Variants in GRB2 observed in about 807,000 individuals in gnomAD.
GRB2 encodes the protein growth factor receptor bound protein 2.
Under a neutral mutation model 27.4 loss-of-function variants are expected in GRB2, and 2 were observed. That is an observed-to-expected ratio of 0.07 (90% CI 0.03 to 0.23). GRB2 has a LOEUF of 0.23. Among genes scored for constraint, GRB2 ranks in the 10% least tolerant of loss-of-function variants. The pLI is 1.00. For synonymous variants in GRB2, 94 were observed against 99.6 expected (o/e 0.94, Z 0.33); for missense variants, 102 against 282.4 (o/e 0.36, Z 4.58).
chr17:75,392,258 T>A (rs146238419), intron 2 of GRB2, among the ~76,000 whole-genome samples: 12 of 152,344 alleles, frequency 7.9e-5, no homozygotes, highest in African/African-American at 2.9e-4. Context: ...TTCTGACAAT[T>A]TAGTGTTGAC....
intron 2 of GRB2, among the ~76,000 whole-genome samples, chr17:75,363,425 G>C (rs1015286167): frequency 2.0e-5 from 3 of 152,140 alleles, no homozygotes; most frequent in African/African-American, 7.2e-5. Context: ...ATTGTGGTGA[G>C]GAGAGTGATA....
chr17:75,328,626 G>C lies in GRB2; in HGVS notation c.177-2606C>G, dbSNP rs535363102. Among the ~76,000 whole-genome samples the C allele has an allele frequency of 6.2e-5, 9 of 146,106 alleles. No homozygotes were observed. In the South Asian group the frequency reaches 1.3e-3, roughly 21 times the overall value. On this transcript the variant is annotated intron_variant, in intron 3 of 5. Transcript: ENST00000316804. ...CATTGCACTCCAGCCTGGGCAACAAGAGTGAAACTCCATCTCAAAAAAATT... is the reference window on the plus strand; with the variant it reads ...CATTGCACTCCAGCCTGGGCAACAACAGTGAAACTCCATCTCAAAAAAATT...
chr17:75,379,266 T>C (rs1477282791), intron 2 of GRB2, among the ~76,000 whole-genome samples: 1 of 152,214 alleles, frequency 6.6e-6, no homozygotes, highest in Non-Finnish European at 1.5e-5. Flanking sequence ...CATTTATTTA[T>C]TTGCTTATTT....
intron 2 of GRB2, among the ~76,000 whole-genome samples, chr17:75,364,649 C>G (rs1188035136): frequency 1.3e-5 from 2 of 152,032 alleles, no homozygotes; most frequent in Non-Finnish European, 2.9e-5. Flanking sequence ...CTATTTCTGA[C>G]CAGTACGTCC....
intron 4 of GRB2, among the ~76,000 whole-genome samples, chr17:75,323,121 TAAAAAAAAAAAAA>T (rs55801107): frequency 1.6e-3 from 162 of 101,286 alleles, no homozygotes; most frequent in African/African-American, 5.9e-3. Context: ...TCCATCTCAT[TAAAAAAAAAAAAA>T]AAAAAAAAGG....
chr17:75,347,253 A>G (rs1027842335), intron 2 of GRB2, among the ~76,000 whole-genome samples: 5 of 152,110 alleles, frequency 3.3e-5, no homozygotes, highest in African/African-American at 9.7e-5. Flanking sequence ...CCTCTAAGCC[A>G]AAGACAACTG....
chr17:75,327,732 T>A (rs1052907987), intron 3 of GRB2, among the ~76,000 whole-genome samples: 9 of 152,118 alleles, frequency 5.9e-5, no homozygotes, highest in African/African-American at 1.9e-4. Flanking sequence ...TATACTATAC[T>A]CAAATTCAAA....
At position 75,320,293 on chromosome 17, in the gene GRB2, A is replaced by C. The variant is rs1244489543; in HGVS notation, c.*75T>G. 7.9e-7 allele frequency: 1 copy of C among 1,270,072 alleles called. No individual in the cohort carries two copies. Among genetic ancestry groups the C allele is most frequent in the Non-Finnish European group, 1.1e-6 (1 of 874,690 alleles). 78.7% of individuals were successfully genotyped at this position (1,270,072 alleles called of 1,614,324 possible). A position where few individuals can be genotyped will look rare whatever the true frequency, so the allele number is the denominator to read the frequency against. On this transcript the variant is annotated 3_prime_UTR_variant, in exon 6 of 6. Transcript: ENST00000316804. This position sits in a 1 kb window ranked among gnomAD's most constrained non-coding sequence, Gnocchi z 4.3. ...GCACTCCCTCACAGGCTGCTGTCAG[A>C]GGCAGCTTGTGGGTTTAATTCTTTT...
In GRB2 at chr17:75,338,842, A is replaced by G. The variant is rs528886059; in HGVS notation, c.79-6045T>C. ...ACTCACGCAAATGGTCAACTTTCCT[A>G]AAATTCACTGGACTTTCTCTAAGAA... On this transcript the variant is annotated intron_variant, in intron 2 of 5. Coordinates refer to ENST00000316804, the MANE Select transcript of GRB2 (RefSeq NM_002086.5). The G allele has an allele frequency of 2.6e-4, 197 of 768,152 alleles. No individual in the cohort carries two copies. The African/African-American group carries it at 3.0e-3, about 12-fold the overall frequency. 47.6% of individuals were successfully genotyped at this position (768,152 alleles called of 1,614,324 possible). A position where few individuals can be genotyped will look rare whatever the true frequency, so the allele number is the denominator to read the frequency against.
At chr17:75,341,475 A>T (rs1447882783) in intron 2 of GRB2, among the ~76,000 whole-genome samples, 2 of 151,160 alleles carry the variant, frequency 1.3e-5, no homozygotes, top group Non-Finnish European at 2.9e-5. Flanking sequence ...AAAAACACAA[A>T]AGAAAAACAA....
rs572589930 is a variant in GRB2 at position 75,352,878 on chromosome 17, T to G, written c.79-20081A>C. Among the ~76,000 whole-genome samples, 991 of 151,268 alleles carry G rather than the reference T, an allele frequency of 6.6e-3. 14 individuals are homozygous for G. Among genetic ancestry groups the G allele is most frequent in the African/African-American group, 0.022 (896 of 40,910 alleles). On this transcript the variant is annotated intron_variant, in intron 2 of 5. Coordinates refer to ENST00000316804, the MANE Select transcript of GRB2 (RefSeq NM_002086.5). ...TCTGGGAGAAAAAGTTAACTTGTTTTTTTTTTTTTTTTAAAAGACATAGTT... is the reference window on the plus strand; with the variant it reads ...TCTGGGAGAAAAAGTTAACTTGTTTGTTTTTTTTTTTTAAAAGACATAGTT...
At chr17:75,360,158 T>C (rs922402835) in intron 2 of GRB2, among the ~76,000 whole-genome samples, 2 of 150,040 alleles carry the variant, frequency 1.3e-5, no homozygotes, top group Non-Finnish European at 3.0e-5. Context: ...TCATAAACGA[T>C]CTCCCAAATG....
chr17:75,329,296 GA>G (rs2078523232), intron 3 of GRB2, among the ~76,000 whole-genome samples: 1 of 152,036 alleles, frequency 6.6e-6, no homozygotes, highest in Non-Finnish European at 1.5e-5. Context: ...AATATAAACT[GA>G]AATAGCCTAG....
chr17:75,356,821 C>A (rs2078736995), intron 2 of GRB2, among the ~76,000 whole-genome samples: 1 of 152,202 alleles, frequency 6.6e-6, no homozygotes, highest in African/African-American at 2.4e-5. Context: ...CAAGACACAT[C>A]ATTTCCCAGC....
At chr17:75,391,038 G>GT (rs1213882463) in intron 2 of GRB2, among the ~76,000 whole-genome samples, 1 of 152,002 alleles carries the variant, frequency 6.6e-6, no homozygotes, top group South Asian at 2.1e-4. Flanking sequence ...GGAAAACTCC[G>GT]TTTTTTTAAC....
intron 3 of GRB2, among the ~76,000 whole-genome samples, chr17:75,329,879 C>G (rs973921893): frequency 6.6e-6 from 1 of 152,198 alleles, no homozygotes; most frequent in African/African-American, 2.4e-5. Flanking sequence ...GAAATACCAC[C>G]ATTCTACATT....
chr17:75,403,987 C>T (rs1256826112), intron 1 of GRB2, among the ~76,000 whole-genome samples: 3 of 151,816 alleles, frequency 2.0e-5, no homozygotes, highest in African/African-American at 7.3e-5. Flanking sequence ...GTGGTGGGCG[C>T]CTGTGATCCC....
intron 1 of GRB2, among the ~76,000 whole-genome samples, chr17:75,395,524 A>G (rs983482962): frequency 6.6e-6 from 1 of 152,236 alleles, no homozygotes; most frequent in East Asian, 1.9e-4. Context: ...AAGGCTTATG[A>G]AAAAGAGCAG....
Position 75,393,685 on chromosome 17 carries a change from C to G in GRB2, c.-57G>C. On this transcript the variant is annotated 5_prime_UTR_variant, in exon 2 of 6. Coordinates refer to ENST00000316804, the MANE Select transcript of GRB2 (RefSeq NM_002086.5). ...AGCAGGGGGAAGGGAGTCTTCCCTG[C>G]TGAAGCAACCCAGCGCTCTGGGCTT... The G allele has an allele frequency of 7.2e-7, 1 of 1,380,612 alleles. No individual in the cohort carries two copies. Among genetic ancestry groups the G allele is most frequent in the Non-Finnish European group, 1.0e-6 (1 of 968,682 alleles). 85.5% of individuals were successfully genotyped at this position (1,380,612 alleles called of 1,614,324 possible). A position where few individuals can be genotyped will look rare whatever the true frequency, so the allele number is the denominator to read the frequency against.
Sources: gnomAD v4.1 joint callset for allele counts (sites outside exome capture counted in the v4.1 genomes callset) on GRCh38, gnomAD v4.1.1 for gene constraint, Gnocchi (gnomAD v3.1) non-coding constraint, MANE v1.5 for transcripts, NCBI Gene and HGNC (gene_info 2026-07-23, HGNC 2026-07-21) for gene names.